Variants in PIP5K1B observed in about 807,000 individuals in gnomAD.
The protein encoded by PIP5K1B is phosphatidylinositol-4-phosphate 5-kinase type 1 beta, also known as phosphatidylinositol 4-phosphate 5-kinase type-1 beta.
Under a neutral mutation model 67.0 loss-of-function variants are expected in PIP5K1B, and 42 were observed. The ratio of observed to expected loss-of-function variants is 0.63; its 90% CI spans 0.49 to 0.81. PIP5K1B has a LOEUF of 0.81. Among genes scored for constraint, PIP5K1B ranks in the 30% least tolerant of loss-of-function variants. The pLI is 0.00. For synonymous variants in PIP5K1B, 214 were observed against 231.4 expected (o/e 0.92, Z 0.68); for missense variants, 459 against 646.3 (o/e 0.71, Z 3.14).
intron 4 of PIP5K1B, among the ~76,000 whole-genome samples, chr9:68,852,923 T>TTA (rs202187560): frequency 6.6e-6 from 1 of 150,520 alleles, no homozygotes; most frequent in East Asian, 2.0e-4. Context: ...TGTTTTTTTT[T>TTA]ATAGGACTTG....
intron 2 of PIP5K1B, among the ~76,000 whole-genome samples, chr9:68,808,822 T>C (rs916773575): frequency 6.6e-5 from 10 of 152,240 alleles, no homozygotes; most frequent in Non-Finnish European, 1.0e-4. Flanking sequence ...TTTGGATTCA[T>C]AGCGAGCAGG....
intron 3 of PIP5K1B, among the ~76,000 whole-genome samples, chr9:68,821,875 A>G (rs974496737): frequency 1.3e-5 from 2 of 152,256 alleles, no homozygotes; most frequent in African/African-American, 4.8e-5. Flanking sequence ...ACAGTGGTAT[A>G]TCTTGCAACT....
At chr9:68,775,334 TA>T (rs1320776660) in intron 2 of PIP5K1B, among the ~76,000 whole-genome samples, 1 of 152,236 alleles carries the variant, frequency 6.6e-6, no homozygotes, top group Non-Finnish European at 1.5e-5. Context: ...AATCTCAGCA[TA>T]TTTTTTTTCA....
intron 14 of PIP5K1B, among the ~76,000 whole-genome samples, chr9:68,943,403 C>T (rs1222512950): frequency 6.6e-6 from 1 of 152,168 alleles, no homozygotes; most frequent in African/African-American, 2.4e-5. Context: ...ATCTTAAAGA[C>T]AACAGTTTGA....
intron 14 of PIP5K1B, among the ~76,000 whole-genome samples, chr9:68,989,936 C>T (rs1007346673): frequency 6.6e-6 from 1 of 151,930 alleles, no homozygotes; most frequent in Non-Finnish European, 1.5e-5. Context: ...GCTGAGATCA[C>T]GCCACTGCAC....
chr9:68,785,610 C>T (rs1229232398), intron 2 of PIP5K1B, among the ~76,000 whole-genome samples: 1 of 152,196 alleles, frequency 6.6e-6, no homozygotes, highest in Non-Finnish European at 1.5e-5. Context: ...TTTAATCTAT[C>T]ACTATCATCT....
chr9:68,811,544 C>T (rs1464087406), intron 2 of PIP5K1B, among the ~76,000 whole-genome samples: 1 of 152,168 alleles, frequency 6.6e-6, no homozygotes, highest in African/African-American at 2.4e-5. Context: ...AAACATACCC[C>T]TCCTACTGCA....
chr9:68,779,996 C>T (rs2132451403), intron 2 of PIP5K1B: 3 of 883,360 alleles, frequency 3.4e-6, no homozygotes, highest in Non-Finnish European at 4.7e-6. Context: ...TAAGCAGGCG[C>T]CGCGAGTACG....
At chr9:68,954,421 A>C (rs1828269663) in intron 14 of PIP5K1B, among the ~76,000 whole-genome samples, 1 of 152,212 alleles carries the variant, frequency 6.6e-6, no homozygotes, top group African/African-American at 2.4e-5. Context: ...CTCAGCGAAG[A>C]TTCTAAGGTT....
At position 68,710,337 on chromosome 9, in the gene PIP5K1B, A is replaced by T. The variant is rs1003105873; in HGVS notation, c.-243+4575A>T. 3.3e-5 allele frequency among the ~76,000 whole-genome samples: 5 copies of T among 152,144 alleles called. No homozygotes were observed. The South Asian group carries it at 1.0e-3, about 32-fold the overall frequency. ...TGTGTTACTTTTTGCTGAGTGCCAG[A>T]GAACTGGGGTGGGAGGAAACCTAGG... is the stretch of plus-strand genomic sequence containing the variant. On this transcript the variant is annotated intron_variant, in intron 1 of 15. Coordinates refer to ENST00000265382, the MANE Select transcript of PIP5K1B (RefSeq NM_003558.4).
At chr9:68,973,180 G>A (rs1430550925) in intron 14 of PIP5K1B, among the ~76,000 whole-genome samples, 2 of 152,146 alleles carry the variant, frequency 1.3e-5, no homozygotes, top group East Asian at 1.9e-4. Flanking sequence ...CAGCTCAGAC[G>A]TAATACAACA....
intron 14 of PIP5K1B, chr9:68,963,282 C>T (rs139510872): frequency 2.2e-6 from 1 of 452,750 alleles, no homozygotes; most frequent in Non-Finnish European, 4.4e-6. Flanking sequence ...GCAGACTGAT[C>T]TCTTGAGTCC....
At chr9:68,835,706 G>A (rs1230342637) in intron 4 of PIP5K1B, among the ~76,000 whole-genome samples, 2 of 152,150 alleles carry the variant, frequency 1.3e-5, no homozygotes, top group African/African-American at 4.8e-5. Context: ...TTCTCCTTCT[G>A]TGGTAGTCCT....
At chr9:68,763,286 G>A (rs1379229221) in intron 2 of PIP5K1B, among the ~76,000 whole-genome samples, 1 of 152,096 alleles carries the variant, frequency 6.6e-6, no homozygotes, top group Non-Finnish European at 1.5e-5. Context: ...TATGACTTAA[G>A]TGTGAGATTC....
intron 14 of PIP5K1B, among the ~76,000 whole-genome samples, chr9:68,952,124 T>C (rs1828107708): frequency 6.6e-6 from 1 of 152,218 alleles, no homozygotes; most frequent in Admixed American, 6.5e-5. Flanking sequence ...AATAGTGTCA[T>C]ATACTATGTT....
At chr9:68,893,049 G>C (rs1824880670) in intron 7 of PIP5K1B, among the ~76,000 whole-genome samples, 1 of 151,692 alleles carries the variant, frequency 6.6e-6, no homozygotes, top group South Asian at 2.1e-4. Flanking sequence ...CTCCAGTCTG[G>C]GTGACAGAGT....
intron 14 of PIP5K1B, among the ~76,000 whole-genome samples, chr9:68,980,284 A>G (rs974673941): frequency 1.3e-5 from 2 of 152,222 alleles, no homozygotes; most frequent in African/African-American, 2.4e-5. Context: ...TCACGCTGGA[A>G]TGGGCTTGCC....
intron 14 of PIP5K1B, among the ~76,000 whole-genome samples, chr9:68,968,707 A>G (rs1446901052): frequency 7.2e-6 from 1 of 139,022 alleles, no homozygotes; most frequent in East Asian, 2.4e-4. Context: ...TTATATATAT[A>G]TATATATATT....
intron 2 of PIP5K1B, among the ~76,000 whole-genome samples, chr9:68,794,546 A>G (rs1832181306): frequency 6.6e-6 from 1 of 152,096 alleles, no homozygotes; most frequent in Non-Finnish European, 1.5e-5. Context: ...TGTCTGGTTC[A>G]TCTTATTCCC....
Sources: allele counts gnomAD v4.1 joint callset (sites outside exome capture counted in the v4.1 genomes callset), GRCh38; gene constraint gnomAD v4.1.1; transcripts MANE v1.5; gene names NCBI Gene and HGNC (gene_info 2026-07-23, HGNC 2026-07-21).